The following DOCK5 variants were observed in gnomAD, a reference collection of about 807,000 sequenced individuals.
The protein encoded by DOCK5 is dedicator of cytokinesis protein 5.
A neutral mutation model predicts 251.8 loss-of-function variants in DOCK5; 142 were observed. The ratio of observed to expected loss-of-function variants is 0.56; its 90% CI spans 0.49 to 0.65. The LOEUF (loss-of-function observed/expected upper bound fraction) is 0.65. Ranked by LOEUF, DOCK5 falls within the 30% of genes least tolerant of loss-of-function variation. DOCK5 has a pLI of 0.00. For missense variants in DOCK5, 2,111 were observed against 2,312.3 expected, an observed-to-expected ratio of 0.91 and a Z score of 1.79; for synonymous variants, 842 against 835.5, an observed-to-expected ratio of 1.01 and a Z score of -0.13.
At chr8:25,246,376 C>T (rs1441286979) in intron 2 of DOCK5, among the ~76,000 whole-genome samples, 3 of 152,128 alleles carry the variant, frequency 2.0e-5, no homozygotes, top group African/African-American at 4.8e-5. Context: ...CGAGTTCAAG[C>T]GAGTCTCCTA....
At position 25,368,056 on chromosome 8, in the gene DOCK5, A is replaced by G. The variant is rs1210323052; in HGVS notation, c.3225-136A>G. ...ATTCCTTTTGGGGGCTCGTTTAGGT[A>G]TGAACCTCATCTCTTAAGGTTGGGC... On this transcript the variant is annotated intron_variant, in intron 31 of 51. Coordinates refer to ENST00000276440, the MANE Select transcript of DOCK5 (RefSeq NM_024940.8). The G allele has an allele frequency of 4.5e-6, 3 of 662,762 alleles. No individual in the cohort carries two copies. In the African/African-American group the frequency reaches 5.5e-5, roughly 12 times the overall value. 41.1% of individuals were successfully genotyped at this position (662,762 alleles called of 1,614,324 possible).
intron 5 of DOCK5, 79 bp downstream of exon 5, chr8:25,278,744 C>T (rs1457044040): frequency 2.3e-5 from 30 of 1,322,166 alleles, no homozygotes; most frequent in Non-Finnish European, 3.1e-5. Flanking sequence ...GGTGTTGGCC[C>T]CTTATTGCTG....
chr8:25,275,475 G>C lies in DOCK5; in HGVS notation c.224+34G>C, dbSNP rs200842492. The C allele has an allele frequency of 3.8e-6, 6 of 1,567,396 alleles. No homozygotes were observed. The African/African-American group carries it at 8.2e-5, about 21-fold the overall frequency. On this transcript the variant is annotated intron_variant, in intron 4 of 51. Coordinates refer to ENST00000276440, the MANE Select transcript of DOCK5 (RefSeq NM_024940.8). ...CAAGCTAGGAAGATTCCCCAAAAAT[G>C]ATGAAGATGTAACATTATCATTAAT...
At chr8:25,232,139 T>C (rs1046296762) in intron 1 of DOCK5, among the ~76,000 whole-genome samples, 5 of 152,256 alleles carry the variant, frequency 3.3e-5, no homozygotes, top group African/African-American at 1.2e-4. Flanking sequence ...CTGATCTATG[T>C]CATTTCTGGG....
At chr8:25,366,996 C>G (rs551066980) in intron 31 of DOCK5, 26 bp downstream of exon 31, 1 of 1,577,158 alleles carries the variant, frequency 6.3e-7, no homozygotes, top group Non-Finnish European at 8.7e-7. Context: ...AAGTTAAGAT[C>G]GGGAAGGGGC....
At chr8:25,198,603 A>G (rs1469868494) in intron 1 of DOCK5, among the ~76,000 whole-genome samples, 1 of 151,900 alleles carries the variant, frequency 6.6e-6, no homozygotes, top group Non-Finnish European at 1.5e-5. Flanking sequence ...CATAAATAAG[A>G]CTCAGTTGTC....
chr8:25,198,177 A>G (rs1008372007), intron 1 of DOCK5, among the ~76,000 whole-genome samples: 2 of 152,222 alleles, frequency 1.3e-5, no homozygotes, highest in South Asian at 2.1e-4. Context: ...TGTTACCTGT[A>G]TACCTGCAAC....
intron 46 of DOCK5, 91 bp downstream of exon 46, chr8:25,400,085 GGT>G: frequency 9.8e-7 from 1 of 1,015,682 alleles, no homozygotes; most frequent in East Asian, 2.6e-5. Context: ...GCCCACTCAG[GGT>G]GACTTTTCTT....
chr8:25,257,819 A>G (rs1012448873), intron 2 of DOCK5, among the ~76,000 whole-genome samples: 3 of 152,170 alleles, frequency 2.0e-5, no homozygotes, highest in African/African-American at 7.2e-5. Flanking sequence ...GCTGATGATA[A>G]CAAAACCAGC....
intron 24 of DOCK5, 77 bp downstream of exon 24, chr8:25,341,886 A>C: frequency 8.6e-7 from 1 of 1,161,310 alleles, no homozygotes; most frequent in Non-Finnish European, 1.2e-6. Context: ...CTGGGCTGCT[A>C]CACCTGGCTT....
At chr8:25,331,530 T>G (rs1486315685) in intron 18 of DOCK5, among the ~76,000 whole-genome samples, 2 of 152,200 alleles carry the variant, frequency 1.3e-5, no homozygotes, top group African/African-American at 2.4e-5. Context: ...CTAAGGGTTA[T>G]GAATCTGTTC....
At chr8:25,340,827 T>A (rs766542659) in intron 22 of DOCK5, 50 bp from the exon 23 acceptor site, 1 of 1,481,296 alleles carries the variant, frequency 6.8e-7, no homozygotes. Flanking sequence ...TATTTTAAAA[T>A]TTCTTTTAAC....
intron 1 of DOCK5, among the ~76,000 whole-genome samples, chr8:25,236,001 T>C (rs900056407): frequency 5.9e-5 from 9 of 152,188 alleles, no homozygotes; most frequent in African/African-American, 2.2e-4. Context: ...TTTTACCATG[T>C]TGGCCAGGCT....
rs575430852 is a variant in DOCK5 at position 25,209,392 on chromosome 8, G to C, written c.43+24441G>C. Among the ~76,000 whole-genome samples the C allele has an allele frequency of 1.4e-3, 99 of 70,674 alleles. 27 individuals are homozygous for C. Among genetic ancestry groups the C allele is most frequent in the African/African-American group, 3.1e-3 (97 of 31,212 alleles). 46.4% of individuals were successfully genotyped at this position (70,674 alleles called of 152,430 possible). On this transcript the variant is annotated intron_variant, in intron 1 of 51. Coordinates refer to ENST00000276440, the MANE Select transcript of DOCK5 (RefSeq NM_024940.8). ...CAATAAGCGAACATTGTGAGGGAGC[G>C]GGGTGGAGGCAAGAGACCGCTTAGA...
chr8:25,392,506 CT>C (rs1563228623), intron 43 of DOCK5, among the ~76,000 whole-genome samples: 1 of 152,124 alleles, frequency 6.6e-6, no homozygotes, highest in Non-Finnish European at 1.5e-5. Flanking sequence ...AATCTGGTCT[CT>C]TCCTGGGCCT....
At chr8:25,388,966 T>G in intron 40 of DOCK5, 125 bp from the exon 41 acceptor site, 180 of 859,140 alleles carry the variant, frequency 2.1e-4, no homozygotes, top group Non-Finnish European at 2.8e-4. Flanking sequence ...AGATTTTCAG[T>G]GAGAACTTGA....
chr8:25,196,212 A>C (rs573229055), intron 1 of DOCK5, among the ~76,000 whole-genome samples: 1 of 152,268 alleles, frequency 6.6e-6, no homozygotes, highest in South Asian at 2.1e-4. Context: ...TGGAGGCTTT[A>C]TGGAGGAAGG....
intron 44 of DOCK5, among the ~76,000 whole-genome samples, chr8:25,394,660 AG>A (rs1270222699): frequency 6.6e-6 from 1 of 152,176 alleles, no homozygotes; most frequent in African/African-American, 2.4e-5. Context: ...TCTTCTCAAA[AG>A]TCTCCAAGGA....
intron 18 of DOCK5, among the ~76,000 whole-genome samples, chr8:25,330,709 C>G (rs1368340227): frequency 1.3e-5 from 2 of 152,146 alleles, no homozygotes; most frequent in Non-Finnish European, 2.9e-5. Flanking sequence ...AGGACTTTGA[C>G]TATTTATGAA....
Sources: allele counts gnomAD v4.1 joint callset (sites outside exome capture counted in the v4.1 genomes callset), GRCh38; gene constraint gnomAD v4.1.1; transcripts MANE v1.5; gene names NCBI Gene and HGNC (gene_info 2026-07-23, HGNC 2026-07-21).